Variants in LIPI observed in about 807,000 individuals in gnomAD.
The protein encoded by LIPI is lipase member I.
LIPI carries 59 observed loss-of-function variants against 50.6 expected under a neutral mutation model. The observed-to-expected ratio is 1.16, with a 90% CI of 0.94 to 1.45. LIPI has a LOEUF of 1.45. Ranked by LOEUF, LIPI falls within the 40% of genes most tolerant of loss-of-function variation. The pLI, the probability that LIPI is intolerant of heterozygous loss-of-function variation, is 0.00. For synonymous variants in LIPI, 203 were observed against 178.2 expected (o/e 1.14, Z -1.11); for missense variants, 586 against 536.3 (o/e 1.09, Z -0.92).
At chr21:14,193,552 A>G (rs2123300179) in intron 1 of LIPI, among the ~76,000 whole-genome samples, 1 of 152,292 alleles carries the variant, frequency 6.6e-6, no homozygotes, top group Non-Finnish European at 1.5e-5. Flanking sequence ...GAATGTAAAA[A>G]GATATTCAAT....
intron 9 of LIPI, among the ~76,000 whole-genome samples, chr21:14,109,591 G>A (rs1276859738): frequency 1.3e-5 from 2 of 152,062 alleles, no homozygotes; most frequent in Non-Finnish European, 2.9e-5. Flanking sequence ...CCAAGTCACT[G>A]CAGCACTGTT....
intron 9 of LIPI, among the ~76,000 whole-genome samples, chr21:14,109,306 A>C (rs2016312683): frequency 6.6e-6 from 1 of 152,108 alleles, no homozygotes; most frequent in African/African-American, 2.4e-5. Context: ...ATCTGTTTCA[A>C]CTTCTTTTCT....
chr21:14,162,338 C>A (rs1343691792), intron 7 of LIPI, among the ~76,000 whole-genome samples: 1 of 151,582 alleles, frequency 6.6e-6, no homozygotes, highest in African/African-American at 2.4e-5. Context: ...TTTAAAGGCA[C>A]AACACAAAGA....
intron 9 of LIPI, among the ~76,000 whole-genome samples, chr21:14,127,166 T>C (rs2017098827): frequency 6.6e-6 from 1 of 152,170 alleles, no homozygotes; most frequent in Admixed American, 6.6e-5. Context: ...AAAAAGATAA[T>C]TACTTGTTGA....
intron 9 of LIPI, among the ~76,000 whole-genome samples, chr21:14,116,097 G>A (rs1356921361): frequency 6.6e-6 from 1 of 151,998 alleles, no homozygotes; most frequent in Non-Finnish European, 1.5e-5. Flanking sequence ...GGGTAGGAGT[G>A]GTGTGTGTAT....
intron 4 of LIPI, among the ~76,000 whole-genome samples, chr21:14,180,152 T>C (rs117355127): frequency 0.027 from 4,051 of 152,248 alleles, 68 homozygotes; most frequent in Admixed American, 0.032. Context: ...TCAGGCTTCC[T>C]AGGGTGGGGA....
intron 1 of LIPI, among the ~76,000 whole-genome samples, chr21:14,206,432 T>G (rs1171101155): frequency 1.3e-5 from 2 of 152,190 alleles, no homozygotes; most frequent in Non-Finnish European, 2.9e-5. Context: ...AGTGTTTTCA[T>G]TATTGATTTT....
At chr21:14,125,790 C>T (rs2017039323) in intron 9 of LIPI, among the ~76,000 whole-genome samples, 1 of 152,100 alleles carries the variant, frequency 6.6e-6, no homozygotes, top group Admixed American at 6.5e-5. Flanking sequence ...CATCTGACCT[C>T]GTGATCCGCC....
chr21:14,138,476 C>T (rs1287493323), intron 9 of LIPI, among the ~76,000 whole-genome samples: 4 of 151,864 alleles, frequency 2.6e-5, no homozygotes, highest in African/African-American at 9.7e-5. Flanking sequence ...GGAGTTAAAA[C>T]AAGTGTGCAA....
At chr21:14,178,785 C>T (rs2019176371) in intron 4 of LIPI, among the ~76,000 whole-genome samples, 2 of 152,038 alleles carry the variant, frequency 1.3e-5, no homozygotes, top group Non-Finnish European at 2.9e-5. Flanking sequence ...GCCTGGCTAT[C>T]TTGGATGCTA....
chr21:14,197,898 G>T (rs2019917148), intron 1 of LIPI, among the ~76,000 whole-genome samples: 1 of 151,914 alleles, frequency 6.6e-6, no homozygotes. Context: ...ACAAAGGGGA[G>T]CCATCAGACT....
chr21:14,131,448 A>G (rs2017291957), intron 9 of LIPI, among the ~76,000 whole-genome samples: 2 of 152,212 alleles, frequency 1.3e-5, no homozygotes, highest in South Asian at 4.1e-4. Flanking sequence ...CACAGTTAAT[A>G]CAGACTCTGT....
intron 9 of LIPI, among the ~76,000 whole-genome samples, chr21:14,120,993 T>A (rs1373009634): frequency 6.6e-6 from 1 of 152,240 alleles, no homozygotes; most frequent in Non-Finnish European, 1.5e-5. Context: ...CAGTGCCATG[T>A]GAAAACCTGC....
chr21:14,142,110 T>C (rs568795869), intron 9 of LIPI, among the ~76,000 whole-genome samples: 5 of 152,198 alleles, frequency 3.3e-5, no homozygotes, highest in African/African-American at 7.2e-5. Flanking sequence ...ACTACAAATA[T>C]AATTTCTATT....
intron 1 of LIPI, among the ~76,000 whole-genome samples, chr21:14,205,108 A>G (rs921227163): frequency 6.6e-6 from 1 of 151,832 alleles, no homozygotes; most frequent in Admixed American, 6.6e-5. Context: ...AAAATATTCA[A>G]AGAGTTCATA....
At chr21:14,163,385 A>G (rs1035853208) in intron 7 of LIPI, 34 bp downstream of exon 7, 8 of 1,045,920 alleles carry the variant, frequency 7.6e-6, no homozygotes, top group African/African-American at 6.3e-5. Flanking sequence ...AAAACTAAAA[A>G]TTTGTTTATT....
chr21:14,166,492 T>C, intron 4 of LIPI, 41 bp from the exon 5 acceptor site: 5 of 1,008,470 alleles, frequency 5.0e-6, no homozygotes, highest in Non-Finnish European at 8.0e-6. Flanking sequence ...ATGTATATAA[T>C]CAGGTGAGTA....
chr21:14,115,528 CA>C (rs2016593905), intron 9 of LIPI, among the ~76,000 whole-genome samples: 1 of 152,134 alleles, frequency 6.6e-6, no homozygotes. Flanking sequence ...GATTGCCCCA[CA>C]ACATTTCTGG....
At chr21:14,202,526 C>T (rs2020092198) in intron 1 of LIPI, among the ~76,000 whole-genome samples, 1 of 152,070 alleles carries the variant, frequency 6.6e-6, no homozygotes, top group South Asian at 2.1e-4. Context: ...AGAAATAATG[C>T]CGCATATCTA....
Sources: gnomAD v4.1 joint callset for allele counts (sites outside exome capture counted in the v4.1 genomes callset) on GRCh38, gnomAD v4.1.1 for gene constraint, MANE v1.5 for transcripts, NCBI Gene and HGNC (gene_info 2026-07-23, HGNC 2026-07-21) for gene names.